The following PALLD variants were observed in gnomAD, a reference collection of about 807,000 sequenced individuals.
The protein encoded by PALLD is palladin, cytoskeletal associated protein.
PALLD carries 61 observed loss-of-function variants against 123.5 expected under a neutral mutation model. That is an observed-to-expected ratio of 0.49 (90% CI 0.40 to 0.61). The LOEUF is 0.61. Among genes scored for constraint, PALLD ranks in the 20% least tolerant of loss-of-function variants. The pLI is 0.00. For missense variants in PALLD, 1,273 were observed against 1,377.0 expected (o/e 0.92, Z 1.20); for synonymous variants, 465 against 496.4 (o/e 0.94, Z 0.84).
chr4:168,668,452 T>C (rs1303998961), intron 3 of PALLD, 84 bp downstream of exon 3: 5 of 1,123,438 alleles, frequency 4.5e-6, no homozygotes, highest in Admixed American at 2.5e-5. Flanking sequence ...AAATGTGCCT[T>C]TCCAATGCAA....
chr4:168,921,815 TACTAACCAATAC>T (rs1761565241), intron 18 of PALLD, 74 bp downstream of exon 18: 2 of 1,132,128 alleles, frequency 1.8e-6, no homozygotes, highest in African/African-American at 3.1e-5. Flanking sequence ...AATTCTACAT[TACTAACCAATAC>T]GGAAAATAAA....
rs1423749655 is a variant in PALLD at position 168,896,566 on chromosome 4, T to A, written c.2217T>A (p.His739Gln). 6.6e-7 allele frequency: 1 copy of A among 1,514,458 alleles called. No homozygotes were observed. Among genetic ancestry groups the A allele is most frequent in the African/African-American group, 1.4e-5 (1 of 72,568 alleles). 93.8% of individuals were successfully genotyped at this position (1,514,458 alleles called of 1,614,324 possible). A position where few individuals can be genotyped will look rare whatever the true frequency, so the allele number is the denominator to read the frequency against. ...CATTACAGGACATTGGTTCTCCTCA[T>A]GCTTCTGTAGGGAGTCCTCTGGATG... ...ETANQDIGSP[H>Q]ASVGSPLDGQ... Residue 739 changes from histidine to glutamine, a missense_variant, in exon 13 of 22, where the codon CAT becomes CAA. Around this residue, in one of 2 missense-constraint regions of PALLD, gnomAD observed 944 missense variants for 954.5 expected, o/e 0.99. Transcript: ENST00000505667.
At chr4:168,878,100 CGCAGCCCTTCGG>C in intron 10 of PALLD, 1 of 1,444,894 alleles carries the variant, frequency 6.9e-7, no homozygotes, top group South Asian at 1.4e-5. Context: ...CCGCCCTTCG[CGCAGCCCTTCGG>C]CGCTGAGCCC....
At chr4:168,530,786 C>T (rs1764530812) in intron 2 of PALLD, 1 of 152,202 alleles carries the variant, frequency 6.6e-6, no homozygotes, top group Non-Finnish European at 1.5e-5. Flanking sequence ...ATCTGGAAAG[C>T]TAAATATCAT....
intron 2 of PALLD, among the ~76,000 whole-genome samples, chr4:168,607,910 C>T (rs1773345305): frequency 6.6e-6 from 1 of 152,200 alleles, no homozygotes; most frequent in Admixed American, 6.5e-5. Flanking sequence ...GCACTCTACA[C>T]TGTTGGGATT....
intron 15 of PALLD, among the ~76,000 whole-genome samples, chr4:168,909,895 T>C (rs1160905972): frequency 6.6e-6 from 1 of 152,136 alleles, no homozygotes; most frequent in Non-Finnish European, 1.5e-5. Context: ...AATGACAAAA[T>C]TATACAACTT....
intron 2 of PALLD, among the ~76,000 whole-genome samples, chr4:168,527,249 C>T (rs1024021604): frequency 6.6e-6 from 1 of 151,802 alleles, no homozygotes; most frequent in Non-Finnish European, 1.5e-5. Flanking sequence ...ACGGAGAAAC[C>T]CTGTCTCTAC....
intron 10 of PALLD, among the ~76,000 whole-genome samples, chr4:168,758,970 T>G (rs892497015): frequency 1.3e-5 from 2 of 149,936 alleles, no homozygotes; most frequent in Non-Finnish European, 3.0e-5. Context: ...AGGTCAGGAG[T>G]TCAAGACCAG....
At chr4:168,633,690 G>T (rs1413610624) in intron 2 of PALLD, among the ~76,000 whole-genome samples, 1 of 152,150 alleles carries the variant, frequency 6.6e-6, no homozygotes, top group East Asian at 1.9e-4. Flanking sequence ...AACTACAAGA[G>T]ACTTTTTAGA....
In PALLD at chr4:168,925,274, C is replaced by T. The variant is rs189038181; in HGVS notation, c.*28C>T. On this transcript the variant is annotated 3_prime_UTR_variant, in exon 21 of 22. Transcript: ENST00000505667. ...GTGAACCACACCAGGAGAACAAATA[C>T]CCAAGTATCATTCAGGAACTTTGAA... is the stretch of plus-strand genomic sequence containing the variant. 4.4e-6 allele frequency: 7 copies of T among 1,602,070 alleles called. No individual in the cohort carries two copies. The African/African-American group carries it at 9.4e-5, about 21-fold the overall frequency.
In PALLD at chr4:168,681,388, G is replaced by A. The variant is rs1189683885; in HGVS notation, c.1144G>A (p.Ala382Thr). The change falls in exon 4 of 22, where the codon GCT (alanine) becomes ACT (threonine). Residue 382 changes from alanine (A) to threonine (T), a missense_variant. By Grantham distance (58) the Ala-to-Thr change is moderately conservative (BLOSUM62 0). This residue lies in a region of PALLD where 944 missense variants were observed against 954.5 expected (regional missense o/e 0.99). Transcript: ENST00000505667. ...TTTAGCTTTCAAATCAAGAGCTGGA[G>A]CTATGCCACAGTAAGTGCCTACAAT... ...ESLAFKSRAGAMPQAQKKTTS... is the reference protein window; with the variant it reads ...ESLAFKSRAGTMPQAQKKTTS... 6.2e-7 allele frequency: 1 copy of A among 1,601,904 alleles called. No homozygotes were observed. The highest frequency in any genetic ancestry group is 8.6e-7 in the Non-Finnish European group (1 of 1,169,180).
In PALLD at chr4:168,928,017, C is replaced by G. The variant is rs1762773139; in HGVS notation, c.*1837C>G. 5.1e-6 allele frequency: 1 copy of G among 195,108 alleles called. No homozygotes were observed. 12.1% of individuals were successfully genotyped at this position (195,108 alleles called of 1,614,324 possible). ...GTACCACCCCATATATTTCATATTA[C>G]TGTTTCACATGTACAGCTTTCTACT... is the stretch of plus-strand genomic sequence containing the variant. On this transcript the variant is annotated 3_prime_UTR_variant, in exon 22 of 22. Coordinates refer to ENST00000505667, the MANE Select transcript of PALLD (RefSeq NM_001166108.2).
chr4:168,562,097 T>TA (rs11424900), intron 2 of PALLD, among the ~76,000 whole-genome samples: 56,436 of 144,906 alleles, frequency 0.39, 10,755 homozygotes, highest in East Asian at 0.68. Flanking sequence ...GTCACAAGGA[T>TA]AAAAAAAAAA....
chr4:168,790,308 T>C (rs149006066), intron 10 of PALLD, among the ~76,000 whole-genome samples: 5,923 of 152,066 alleles, frequency 0.039, 317 homozygotes, highest in African/African-American at 0.12. Context: ...ACTACAGGCA[T>C]GTGCCACCAT....
chr4:168,711,779 A>G lies in PALLD; in HGVS notation c.1820A>G (p.Glu607Gly), dbSNP rs765018029. Residue 607 changes from glutamate to glycine, a missense_variant, in exon 10 of 22, where the codon GAG becomes GGG. Glu to Gly is a moderately conservative substitution (Grantham distance 98). Transcript: ENST00000505667. ...CTTCAAATGCAATTCAATGCTGCTGAGAGGGAAACGAACGGAGTCCATCCC... is the reference window on the plus strand; with the variant it reads ...CTTCAAATGCAATTCAATGCTGCTGGGAGGGAAACGAACGGAGTCCATCCC... Reference protein sequence around the residue: ...AALQMQFNAAERETNGVHPSR... With the variant: ...AALQMQFNAAGRETNGVHPSR... 6 of 1,614,190 alleles carry G rather than the reference A, an allele frequency of 3.7e-6. No homozygotes were observed. In the Admixed American group the frequency reaches 1.0e-4, roughly 27 times the overall value.
chr4:168,502,321 T>C (rs557779641), intron 1 of PALLD, among the ~76,000 whole-genome samples: 2 of 152,362 alleles, frequency 1.3e-5, no homozygotes, highest in Admixed American at 6.5e-5. Flanking sequence ...AATGCTTTTC[T>C]AGTTCCAAAT....
intron 18 of PALLD, among the ~76,000 whole-genome samples, chr4:168,922,161 C>T (rs2126518289): frequency 6.6e-6 from 1 of 150,710 alleles, no homozygotes; most frequent in East Asian, 1.9e-4. Flanking sequence ...TTTAAAACAA[C>T]ACTGTCATCT....
chr4:168,816,206 C>G (rs550244583), intron 10 of PALLD, among the ~76,000 whole-genome samples: 10 of 152,184 alleles, frequency 6.6e-5, no homozygotes, highest in African/African-American at 2.2e-4. Context: ...CCGTGCTTTC[C>G]TCACTCACAT....
At chr4:168,605,162 A>T (rs1169420107) in intron 2 of PALLD, among the ~76,000 whole-genome samples, 1 of 151,762 alleles carries the variant, frequency 6.6e-6, no homozygotes, top group Non-Finnish European at 1.5e-5. Context: ...CAATTAATCA[A>T]TCTCCTGGTG....
Sources: gnomAD v4.1 joint callset for allele counts (sites outside exome capture counted in the v4.1 genomes callset) on GRCh38, gnomAD v4.1.1 for gene constraint, gnomAD v4.1.1 regional missense constraint, MANE v1.5 for transcripts, NCBI Gene and HGNC (gene_info 2026-07-23, HGNC 2026-07-21) for gene names.